TTLL4: variants seen among roughly 807,000 people sequenced by gnomAD.
The protein encoded by TTLL4 is tubulin monoglutamylase TTLL4.
Under a neutral mutation model 122.7 loss-of-function variants are expected in TTLL4, and 85 were observed. The observed-to-expected ratio is 0.69, with a 90% CI of 0.58 to 0.83. The LOEUF (loss-of-function observed/expected upper bound fraction) is 0.83, where lower values mean the gene tolerates loss of function less well. Ranked by LOEUF, TTLL4 falls within the 40% of genes least tolerant of loss-of-function variation. TTLL4 has a pLI of 0.00. For missense variants in TTLL4, 1,363 were observed against 1,488.6 expected, an observed-to-expected ratio of 0.92 and a Z score of 1.39; for synonymous variants, 553 against 563.0, an observed-to-expected ratio of 0.98 and a Z score of 0.25.
chr2:218,730,844 C>A (rs1942360757), intron 2 of TTLL4, among the ~76,000 whole-genome samples: 1 of 151,954 alleles, frequency 6.6e-6, no homozygotes, highest in East Asian at 1.9e-4. Flanking sequence ...GTGGCTCATG[C>A]CTATAATCCC....
chr2:218,758,622 CAG>C (rs1158900808), downstream of TTLL4, among the ~76,000 whole-genome samples: 1 of 151,960 alleles, frequency 6.6e-6, no homozygotes, highest in African/African-American at 2.4e-5. Flanking sequence ...CATTAGCAGT[CAG>C]AGAAGAGCAG....
At chr2:218,717,219 T>C (rs1290058801) in intron 1 of TTLL4, among the ~76,000 whole-genome samples, 1 of 152,024 alleles carries the variant, frequency 6.6e-6, no homozygotes, top group Admixed American at 6.6e-5. Context: ...CACCTTAGCC[T>C]CCCAAAGTGT....
downstream of TTLL4, among the ~76,000 whole-genome samples, chr2:218,758,400 A>G (rs143625909): frequency 9.3e-4 from 142 of 152,372 alleles, no homozygotes; most frequent in African/African-American, 3.0e-3. Flanking sequence ...CTGATAATAT[A>G]TGATGCAGAT....
chr2:218,729,748 T>TTA (rs772940886), intron 2 of TTLL4, among the ~76,000 whole-genome samples: 10 of 78,724 alleles, frequency 1.3e-4, no homozygotes, highest in African/African-American at 5.2e-4. Context: ...TCTCTCTTTT[T>TTA]AAAAAAAAAA....
At chr2:218,755,843 G>A (rs7599365), downstream of TTLL4, among the ~76,000 whole-genome samples, 74,848 of 151,834 alleles carry the variant, frequency 0.49, 19,120 homozygotes, top group African/African-American at 0.59. Flanking sequence ...GTGGGGTGGG[G>A]CCCTGGAAAG....
At chr2:218,712,411 G>A (rs551008640) in intron 1 of TTLL4, among the ~76,000 whole-genome samples, 27 of 148,946 alleles carry the variant, frequency 1.8e-4, no homozygotes, top group Non-Finnish European at 4.0e-4. Flanking sequence ...TTTTGAGACA[G>A]AGTCTTGCTC....
intron 2 of TTLL4, among the ~76,000 whole-genome samples, chr2:218,731,550 C>T (rs1027028402): frequency 6.6e-6 from 1 of 152,168 alleles, no homozygotes; most frequent in Non-Finnish European, 1.5e-5. Context: ...TTCATCACAG[C>T]TTATGAAGGG....
intron 8 of TTLL4, chr2:218,746,476 C>G (rs922144957): frequency 5.6e-6 from 3 of 539,766 alleles, no homozygotes; most frequent in African/African-American, 1.9e-5. Flanking sequence ...GAGTCCCTCT[C>G]CTGAACTCCA....
In TTLL4 at chr2:218,738,114, TTC is replaced by T; in HGVS notation, c.443_444del (p.Leu148ProfsTer66). Reference sequence around the variant, plus strand: ...CGAGCCCGTCAGAAAAAAGCCCTTTTTCTCTCCCTCAAAAGAGCCTCCCTGTC... The same window carrying T: ...CGAGCCCGTCAGAAAAAAGCCCTTTTTCTCCCTCAAAAGAGCCTCCCTGTC... ...RSSPSEKSPF[S>X]LPQKSLPVSL... On this transcript the variant is annotated frameshift_variant, in exon 3 of 20. Transcript: ENST00000392102. LOFTEE classifies it high-confidence loss of function. 6.2e-7 allele frequency: 1 copy of T among 1,614,020 alleles called. No homozygotes were observed. Among genetic ancestry groups the T allele is most frequent in the Non-Finnish European group, 8.5e-7 (1 of 1,180,024 alleles).
intron 2 of TTLL4, among the ~76,000 whole-genome samples, chr2:218,731,121 A>AT (rs58022493): frequency 0.48 from 72,268 of 150,646 alleles, 17,800 homozygotes; most frequent in African/African-American, 0.55. Context: ...AAAAAAAAAA[A>AT]AAGAATTGGC....
chr2:218,721,006 T>C (rs1417810326), intron 1 of TTLL4, among the ~76,000 whole-genome samples: 1 of 152,226 alleles, frequency 6.6e-6, no homozygotes, highest in African/African-American at 2.4e-5. Context: ...AGGGTTTGGA[T>C]TGTTGAGCAC....
chr2:218,718,366 A>G (rs1413294153), intron 1 of TTLL4, among the ~76,000 whole-genome samples: 1 of 151,888 alleles, frequency 6.6e-6, no homozygotes, highest in Non-Finnish European at 1.5e-5. Context: ...CAGCAGCAAT[A>G]GATTTTCTTT....
At chr2:218,743,353 G>A (rs1055764204) in intron 5 of TTLL4, among the ~76,000 whole-genome samples, 7 of 152,152 alleles carry the variant, frequency 4.6e-5, no homozygotes, top group Non-Finnish European at 8.8e-5. Context: ...GAGACTGACC[G>A]GGGTTGTTGC....
intron 5 of TTLL4, among the ~76,000 whole-genome samples, chr2:218,741,384 G>A (rs1454562535): frequency 6.6e-6 from 1 of 152,238 alleles, no homozygotes. Context: ...AGCACCCAGA[G>A]TCGGGTTGTT....
chr2:218,744,786 C>T (rs1575178271), intron 5 of TTLL4, among the ~76,000 whole-genome samples: 2 of 152,290 alleles, frequency 1.3e-5, no homozygotes, highest in Middle Eastern at 6.8e-3. Context: ...TATCCACCCA[C>T]ATTCATTTCC....
chr2:218,721,315 C>T (rs965866115), intron 1 of TTLL4, among the ~76,000 whole-genome samples: 12 of 152,262 alleles, frequency 7.9e-5, no homozygotes, highest in East Asian at 3.9e-4. Context: ...TGGGCTCAAG[C>T]GATTCGCCCC....
Position 218,751,816 on chromosome 2 carries a change from T to G in TTLL4, c.2976+10T>G, listed in dbSNP as rs1433120840. ...GAAAATTCCTGATCAGGTAGGAGAT[T>G]GGTCTTCCCCCCAGTGCTAGCAGAA... is the stretch of plus-strand genomic sequence containing the variant. On this transcript the variant is annotated intron_variant, in intron 16 of 19. Transcript: ENST00000392102. The G allele has an allele frequency of 6.2e-7, 1 of 1,608,600 alleles. No homozygotes were observed. Among genetic ancestry groups the G allele is most frequent in the Non-Finnish European group, 8.5e-7 (1 of 1,176,922 alleles).
rs972475398 is a variant in TTLL4, at chr2:218,710,917, C to G, written c.-298C>G. The G allele has an allele frequency of 6.5e-6, 1 of 152,730 alleles. No individual in the cohort carries two copies. Among genetic ancestry groups the G allele is most frequent in the Admixed American group, 6.5e-5 (1 of 15,292 alleles). 9.5% of individuals were successfully genotyped at this position (152,730 alleles called of 1,614,324 possible). On this transcript the variant is annotated 5_prime_UTR_variant, in exon 1 of 20. Coordinates refer to ENST00000392102, the MANE Select transcript of TTLL4 (RefSeq NM_014640.5). ...GCAGCGGCGCTGGCGGCCGAGTGCG[C>G]TTGTCACGCGTGGCGGTGCGTGGTT...
In TTLL4 at chr2:218,739,150, G is replaced by C; in HGVS notation, c.1474G>C (p.Asp492His). ...GGAGGCCAGGGAGCTGGACTCATCT[G>C]ATAGGGATATTAGGTATGTTGGCAA... ...PEEARELDSS[D>H]RDISSATDLQ... Residue 492 changes from aspartate (D) to histidine (H), a missense_variant, in exon 3 of 20, where the codon GAT becomes CAT. Physicochemically the swap from Asp to His is moderately conservative, Grantham distance 81. Coordinates refer to ENST00000392102, the MANE Select transcript of TTLL4 (RefSeq NM_014640.5). 1 of 1,612,422 alleles carries C rather than the reference G, an allele frequency of 6.2e-7. No individual in the cohort carries two copies. The highest frequency in any genetic ancestry group is 8.5e-7 in the Non-Finnish European group (1 of 1,179,754).
Sources: allele counts gnomAD v4.1 joint callset (sites outside exome capture counted in the v4.1 genomes callset), GRCh38; gene constraint gnomAD v4.1.1; transcripts MANE v1.5; gene names NCBI Gene and HGNC (gene_info 2026-07-23, HGNC 2026-07-21).